The following EFCAB6 variants were observed in gnomAD, a reference collection of about 807,000 sequenced individuals.
EFCAB6 encodes the protein EF-hand calcium binding domain 6.
EFCAB6 carries 156 observed loss-of-function variants against 169.8 expected under a neutral mutation model. That is an observed-to-expected ratio of 0.92 (90% CI 0.81 to 1.05). The LOEUF is 1.05. Ranked by LOEUF, EFCAB6 falls within the 50% of genes least tolerant of loss-of-function variation. The pLI is 0.00. For missense variants in EFCAB6, 1,800 were observed against 1,829.1 expected (o/e 0.98, Z 0.29); for synonymous variants, 698 against 676.4 (o/e 1.03, Z -0.50).
intron 10 of EFCAB6, among the ~76,000 whole-genome samples, chr22:43,702,297 G>A (rs2058793842): frequency 6.6e-6 from 1 of 152,212 alleles, no homozygotes. Flanking sequence ...CAAGATGACA[G>A]AATTGTCGGT....
intron 27 of EFCAB6, among the ~76,000 whole-genome samples, chr22:43,544,322 C>T (rs1312846540): frequency 6.6e-6 from 1 of 152,156 alleles, no homozygotes; most frequent in Non-Finnish European, 1.5e-5. Flanking sequence ...CCCACAGCTA[C>T]AGGAGGAAGT....
chr22:43,608,668 A>G, intron 21 of EFCAB6, 68 bp from the exon 22 acceptor site: 4 of 1,444,856 alleles, frequency 2.8e-6, no homozygotes, highest in South Asian at 2.3e-5. Flanking sequence ...AAGATGTTCA[A>G]TTAGTCAATA....
chr22:43,721,657 T>G (rs954644019), intron 8 of EFCAB6, among the ~76,000 whole-genome samples: 2 of 152,188 alleles, frequency 1.3e-5, no homozygotes, highest in Non-Finnish European at 2.9e-5. Context: ...TTCTCCCTAT[T>G]AAATAAATAG....
chr22:43,667,623 G>C (rs2146935748), intron 16 of EFCAB6, among the ~76,000 whole-genome samples: 1 of 152,174 alleles, frequency 6.6e-6, no homozygotes, highest in South Asian at 2.1e-4. Flanking sequence ...GGTTGAAAAA[G>C]GATATTTTTT....
At chr22:43,530,269 C>G (rs922439910) in intron 31 of EFCAB6, among the ~76,000 whole-genome samples, 1 of 152,208 alleles carries the variant, frequency 6.6e-6, no homozygotes, top group Non-Finnish European at 1.5e-5. Flanking sequence ...TACTTAACCC[C>G]GAAGGAAAGA....
At position 43,572,268 on chromosome 22, in the gene EFCAB6, G is replaced by T. The variant is rs1423923167; in HGVS notation, c.3420+4029C>A. Among the ~76,000 whole-genome samples the T allele has an allele frequency of 2.0e-5, 3 of 152,176 alleles. No homozygotes were observed. ...AACTAACCAATGTTGCGGGAGGCAA[G>T]CTGACAGCACATAAAGCTTTAGGAA... is the stretch of plus-strand genomic sequence containing the variant. On this transcript the variant is annotated intron_variant, in intron 26 of 31. Transcript: ENST00000262726. The surrounding 1 kb of genome is among the most constrained non-coding windows in gnomAD (Gnocchi z 4.0).
At chr22:43,642,735 A>G (rs770435262) in intron 17 of EFCAB6, among the ~76,000 whole-genome samples, 20 of 152,216 alleles carry the variant, frequency 1.3e-4, no homozygotes, top group Non-Finnish European at 2.9e-4. Context: ...ATGTGGCCCC[A>G]GCAAAACAGA....
chr22:43,760,744 C>T lies in EFCAB6; in HGVS notation c.440+4561G>A, dbSNP rs1429678716. 8.6e-5 allele frequency among the ~76,000 whole-genome samples: 13 copies of T among 150,704 alleles called. 1 individual carries two copies. Among genetic ancestry groups the T allele is most frequent in the South Asian group, 8.4e-4 (4 of 4,784 alleles). On this transcript the variant is annotated intron_variant, in intron 5 of 31. Transcript: ENST00000262726. ...CACAATCTTGACTCACTGCAACCTTCGGCTCCTGGGTTCAAGTGATTCTCC... is the reference window on the plus strand; with the variant it reads ...CACAATCTTGACTCACTGCAACCTTTGGCTCCTGGGTTCAAGTGATTCTCC...
chr22:43,659,516 C>T (rs531587722), intron 17 of EFCAB6, among the ~76,000 whole-genome samples: 4 of 151,874 alleles, frequency 2.6e-5, no homozygotes, highest in South Asian at 4.2e-4. Context: ...AAAAATTATC[C>T]GGGTGTGGTG....
chr22:43,763,720 G>GT (rs1224442437), intron 5 of EFCAB6, among the ~76,000 whole-genome samples: 6 of 150,898 alleles, frequency 4.0e-5, no homozygotes, highest in Non-Finnish European at 5.9e-5. Context: ...GCTTTTGTGG[G>GT]TTTTTTTTCA....
At chr22:43,539,996 C>T in intron 28 of EFCAB6, 131 bp downstream of exon 28, 1 of 970,458 alleles carries the variant, frequency 1.0e-6, no homozygotes, top group Middle Eastern at 3.1e-4. Flanking sequence ...TGCATGTGCC[C>T]CCACCCCAGA....
chr22:43,681,949 T>A (rs902803193), intron 12 of EFCAB6, among the ~76,000 whole-genome samples: 1 of 152,204 alleles, frequency 6.6e-6, no homozygotes, highest in African/African-American at 2.4e-5. Context: ...AGGCAGCACA[T>A]ATAGCAAATG....
chr22:43,547,336 T>C (rs1207475724), intron 27 of EFCAB6, among the ~76,000 whole-genome samples: 1 of 152,220 alleles, frequency 6.6e-6, no homozygotes, highest in Non-Finnish European at 1.5e-5. Context: ...CTTTTGACTT[T>C]GTTTTGTTAC....
intron 26 of EFCAB6, among the ~76,000 whole-genome samples, chr22:43,557,115 TG>T (rs2147091289): frequency 6.6e-6 from 1 of 152,284 alleles, no homozygotes; most frequent in South Asian, 2.1e-4. Context: ...GAGCCCAGCA[TG>T]GGAAGATGGG....
In EFCAB6 at chr22:43,554,919, C is replaced by T; in HGVS notation, c.3598G>A (p.Glu1200Lys). The T allele has an allele frequency of 6.2e-7, 1 of 1,614,178 alleles. No homozygotes were observed. Among genetic ancestry groups the T allele is most frequent in the Non-Finnish European group, 8.5e-7 (1 of 1,180,038 alleles). Residue 1200 changes from glutamate to lysine, a missense_variant, in exon 27 of 32, where the codon GAG becomes AAG. Transcript: ENST00000262726. ...TMKTNTISRE[E>K]FRAICNRRVQ... ...CGGCGATTACAAATGGCCCTAAACT[C>T]CTCTCTGGAGATGGTGTTCGTTTTC...
intron 8 of EFCAB6, among the ~76,000 whole-genome samples, chr22:43,721,324 C>A (rs549617438): frequency 6.6e-6 from 1 of 152,112 alleles, no homozygotes; most frequent in African/African-American, 2.4e-5. Flanking sequence ...ACAGATTCCA[C>A]GCAGTTCCAA....
intron 17 of EFCAB6, among the ~76,000 whole-genome samples, chr22:43,642,638 G>A (rs713912): frequency 0.55 from 83,866 of 152,026 alleles, 23,439 homozygotes; most frequent in East Asian, 0.77. Context: ...GAAATTTTCA[G>A]AATAGGTCTA....
At chr22:43,731,623 G>A (rs1020894292) in intron 8 of EFCAB6, 76 bp downstream of exon 8, 8 of 808,690 alleles carry the variant, frequency 9.9e-6, no homozygotes, top group Non-Finnish European at 1.5e-5. Context: ...TATTTCCTCA[G>A]GAATGATCCA....
intron 3 of EFCAB6, among the ~76,000 whole-genome samples, chr22:43,780,289 C>T (rs1300836701): frequency 1.3e-5 from 2 of 151,884 alleles, no homozygotes; most frequent in African/African-American, 4.8e-5. Context: ...GAGTTTGAGA[C>T]CAGCCTGGCC....
Sources: gnomAD v4.1 joint callset for allele counts (sites outside exome capture counted in the v4.1 genomes callset) on GRCh38, gnomAD v4.1.1 for gene constraint, Gnocchi (gnomAD v3.1) non-coding constraint, MANE v1.5 for transcripts, NCBI Gene and HGNC (gene_info 2026-07-23, HGNC 2026-07-21) for gene names.